The following ZNF253 variants were observed in gnomAD, a reference collection of about 807,000 sequenced individuals.
The protein encoded by ZNF253 is DNA-binding protein.
Under a neutral mutation model 11.9 loss-of-function variants are expected in ZNF253, and 8 were observed. That is an observed-to-expected ratio of 0.67 (90% CI 0.40 to 1.22). The LOEUF is 1.22. Ranked by LOEUF, ZNF253 falls within the 50% of genes most tolerant of loss-of-function variation. The pLI, the probability that ZNF253 is intolerant of heterozygous loss-of-function variation, is 0.01. For missense variants in ZNF253, 485 were observed against 586.9 expected (o/e 0.83, Z 1.79); for synonymous variants, 194 against 194.9 (o/e 1.00, Z 0.04).
chr19:19,874,313 C>A (rs1048089696), intron 1 of ZNF253, among the ~76,000 whole-genome samples: 1 of 152,002 alleles, frequency 6.6e-6, no homozygotes, highest in Non-Finnish European at 1.5e-5. Context: ...ATCACAAGGT[C>A]AGGCGTTCCA....
At chr19:19,875,739 C>G (rs2063152693) in intron 1 of ZNF253, among the ~76,000 whole-genome samples, 1 of 152,152 alleles carries the variant, frequency 6.6e-6, no homozygotes, top group South Asian at 2.1e-4. Flanking sequence ...CTACATTTAG[C>G]TTTTATTCTA....
At chr19:19,868,803 G>A (rs2063121445) in intron 1 of ZNF253, among the ~76,000 whole-genome samples, 1 of 151,924 alleles carries the variant, frequency 6.6e-6, no homozygotes, top group African/African-American at 2.4e-5. Flanking sequence ...TGCACGTTAT[G>A]CACATGTACC....
Position 19,878,478 on chromosome 19 carries a change from C to G in ZNF253, c.4-3C>G. 1 of 1,613,430 alleles carries G rather than the reference C, an allele frequency of 6.2e-7. No homozygotes were observed. The highest frequency in any genetic ancestry group is 1.1e-5 in the South Asian group (1 of 91,066). The stretch of plus-strand genomic sequence containing the variant: ...TAATTATGTGTGTGTGTGTGTTTTC[C>G]AGGGACCATTGCAATTTAGAGATGT... On this transcript the variant is annotated splice_region_variant and splice_polypyrimidine_tract_variant and intron_variant, in intron 1 of 3. Transcript: ENST00000589717.
In ZNF253 at chr19:19,878,410, T is replaced by TA; in HGVS notation, c.4-71_4-70insA. ...AGAACCAGTTCTCTTTACTCTCTAA[T>TA]TTCACCTTAAGTCAAATTAAAAATT... is the stretch of plus-strand genomic sequence containing the variant. On this transcript the variant is annotated intron_variant, in intron 1 of 3. Transcript: ENST00000589717. The TA allele has an allele frequency of 2.5e-6, 4 of 1,611,006 alleles. No individual in the cohort carries two copies. In the South Asian group the frequency reaches 4.4e-5, roughly 18 times the overall value.
chr19:19,887,769 A>ATTTTTTT (rs3062903), intron 3 of ZNF253, among the ~76,000 whole-genome samples: 2 of 124,374 alleles, frequency 1.6e-5, no homozygotes, highest in Non-Finnish European at 3.4e-5. Flanking sequence ...TTGATTTTTA[A>ATTTTTTT]TTTTTTTTTT....
At position 19,892,767 on chromosome 19, in the gene ZNF253, C is replaced by A. The variant is rs12460570; in HGVS notation, c.*20C>A. 1.0e-5 allele frequency: 16 copies of A among 1,556,898 alleles called. No individual in the cohort carries two copies. The highest frequency in any genetic ancestry group is 2.2e-5 in the East Asian group (1 of 44,542). ...AGATAATTCATACTGGAGAGAAACC[C>A]TATGAATGTGATGAATGTGGGAAAG... On this transcript the variant is annotated 3_prime_UTR_variant, in exon 4 of 4. Coordinates refer to ENST00000589717, the MANE Select transcript of ZNF253 (RefSeq NM_021047.3).
rs111722283 is a variant in ZNF253, at chr19:19,886,192, T to C, written c.227-5282T>C. Among the ~76,000 whole-genome samples, 321 of 152,264 alleles carry C rather than the reference T, an allele frequency of 2.1e-3. 3 individuals carry two copies. The highest frequency in any genetic ancestry group is 7.3e-3 in the African/African-American group (305 of 41,552). On this transcript the variant is annotated intron_variant, in intron 3 of 3. Coordinates refer to ENST00000589717, the MANE Select transcript of ZNF253 (RefSeq NM_021047.3). ...CTTGTTTGTAGTGTTAGGATGTCAA[T>C]GTGTTGCCCAGGCTGGTTTCAAACT...
At chr19:19,871,223 C>T (rs1282065427) in intron 1 of ZNF253, 3 of 152,566 alleles carry the variant, frequency 2.0e-5, no homozygotes, top group African/African-American at 4.8e-5. Context: ...CTCACATTCC[C>T]ATGATTGTGA....
At position 19,869,043 on chromosome 19, in the gene ZNF253, T is replaced by G. The variant is rs192286373; in HGVS notation, c.3+3044T>G. On this transcript the variant is annotated intron_variant, in intron 1 of 3. Coordinates refer to ENST00000589717, the MANE Select transcript of ZNF253 (RefSeq NM_021047.3). ...TATTTTTGCTTCTGAAAAGTTTATTTTTTTCATTTTTAGTCCTTTAAATTA... is the reference window on the plus strand; with the variant it reads ...TATTTTTGCTTCTGAAAAGTTTATTGTTTTCATTTTTAGTCCTTTAAATTA... 7.2e-3 allele frequency among the ~76,000 whole-genome samples: 1,094 copies of G among 152,314 alleles called. 21 individuals are homozygous for G. The highest frequency in any genetic ancestry group is 0.025 in the African/African-American group (1,024 of 41,536).
In ZNF253 at chr19:19,885,764, C is replaced by A. The variant is rs181370458; in HGVS notation, c.226+5618C>A. ...TTTTATTTAAAATGTATTTTTGTAT[C>A]ATTCAAGGAAATAATCCAACTTTAT... On this transcript the variant is annotated intron_variant, in intron 3 of 3. Transcript: ENST00000589717. Among the ~76,000 whole-genome samples, 650 of 152,156 alleles carry A rather than the reference C, an allele frequency of 4.3e-3. 7 individuals are homozygous for A. The highest frequency in any genetic ancestry group is 2.7e-3 in the Non-Finnish European group (182 of 67,992).
Position 19,892,236 on chromosome 19 carries a change from A to C in ZNF253, c.989A>C (p.His330Pro), listed in dbSNP as rs769897101. The change falls in exon 4 of 4, where the codon CAT (histidine) becomes CCT (proline). Residue 330 changes from histidine to proline, a missense_variant. Physicochemically the swap from His to Pro is moderately conservative, Grantham distance 77. Transcript: ENST00000589717. ...AAGCACTGCTCTAACCTTACTATAC[A>C]TAAGAGAATTCATACAGGAGAGAAA... ...SFKHCSNLTIHKRIHTGEKPY... is the reference protein window; with the variant it reads ...SFKHCSNLTIPKRIHTGEKPY... 6.2e-6 allele frequency: 10 copies of C among 1,613,864 alleles called. No individual in the cohort carries two copies. In the African/African-American group the frequency reaches 1.2e-4, roughly 19 times the overall value.
chr19:19,890,832 A>ATTTTTTT lies in ZNF253; in HGVS notation c.227-621_227-615dup, dbSNP rs770757608. ...GCCATCATGCCTGGCCAACAATTTA[A>ATTTTTTT]TTTTTTTTTTTTTTTTTTTTTTTTT... On this transcript the variant is annotated intron_variant, in intron 3 of 3. Transcript: ENST00000589717. 1.2e-4 allele frequency among the ~76,000 whole-genome samples: 9 copies of ATTTTTTT among 76,850 alleles called. 1 individual carries two copies. Among genetic ancestry groups the ATTTTTTT allele is most frequent in the Non-Finnish European group, 1.4e-4 (6 of 44,074 alleles). The allele number at this position is 76,850 out of a possible 152,430, so 50.4% of individuals were successfully genotyped here. A position where few individuals can be genotyped will look rare whatever the true frequency, so the allele number is the denominator to read the frequency against.
At chr19:19,868,984 ATTATCT>A (rs1453755882) in intron 1 of ZNF253, among the ~76,000 whole-genome samples, 4 of 152,084 alleles carry the variant, frequency 2.6e-5, no homozygotes, top group African/African-American at 7.2e-5. Flanking sequence ...TCGGGTCCAG[ATTATCT>A]TTATGTAGTA....
intron 2 of ZNF253, among the ~76,000 whole-genome samples, chr19:19,879,784 T>G (rs1310320935): frequency 1.3e-5 from 2 of 152,216 alleles, no homozygotes; most frequent in Non-Finnish European, 2.9e-5. Flanking sequence ...TAGTGGTAAC[T>G]CCAGAAATTT....
intron 3 of ZNF253, among the ~76,000 whole-genome samples, chr19:19,885,216 ATTCTTTCTTTCT>A (rs1162456298): frequency 0.016 from 1,075 of 69,180 alleles, 68 homozygotes; most frequent in Middle Eastern, 0.021. Context: ...TTTTTTTTGT[ATTCTTTCTTTCT>A]TTCTTTCTTT....
At chr19:19,876,639 G>A (rs1368583852) in intron 1 of ZNF253, among the ~76,000 whole-genome samples, 1 of 151,906 alleles carries the variant, frequency 6.6e-6, no homozygotes, top group Non-Finnish European at 1.5e-5. Flanking sequence ...CACTTTTAAG[G>A]GCATATTATC....
At chr19:19,886,574 TATTA>T (rs2063207211) in intron 3 of ZNF253, among the ~76,000 whole-genome samples, 1 of 152,210 alleles carries the variant, frequency 6.6e-6, no homozygotes, top group Non-Finnish European at 1.5e-5. Context: ...CTTTTCACTC[TATTA>T]ATTCAAATGA....
At chr19:19,890,960 C>G (rs556037229) in intron 3 of ZNF253, among the ~76,000 whole-genome samples, 22 of 150,728 alleles carry the variant, frequency 1.5e-4, no homozygotes. Flanking sequence ...TCTGCCGCAG[C>G]CCTCCGAGTA....
intron 3 of ZNF253, among the ~76,000 whole-genome samples, chr19:19,885,670 C>T (rs1222856980): frequency 6.6e-6 from 1 of 152,124 alleles, no homozygotes; most frequent in Non-Finnish European, 1.5e-5. Context: ...GGATTACAGG[C>T]ATCAGCCACC....
Sources: allele counts gnomAD v4.1 joint callset (sites outside exome capture counted in the v4.1 genomes callset), GRCh38; gene constraint gnomAD v4.1.1; transcripts MANE v1.5; gene names NCBI Gene and HGNC (gene_info 2026-07-23, HGNC 2026-07-21).